SLC35A3: variants seen among roughly 807,000 people sequenced by gnomAD.
SLC35A3 encodes solute carrier family 35 member A3.
SLC35A3 carries 26 observed loss-of-function variants against 39.0 expected under a neutral mutation model. The ratio of observed to expected loss-of-function variants is 0.67; its 90% CI spans 0.49 to 0.92. The LOEUF is 0.92. Ranked by LOEUF, SLC35A3 falls within the 40% of genes least tolerant of loss-of-function variation. The probability of loss-of-function intolerance (pLI) is 0.00; values close to 1 mark genes in which losing one functional copy is unlikely to be tolerated. For missense variants in SLC35A3, 299 were observed against 371.6 expected (o/e 0.80, Z 1.61); for synonymous variants, 135 against 133.1 (o/e 1.01, Z -0.10).
intron 7 of SLC35A3, among the ~76,000 whole-genome samples, 154 bp from the exon 8 acceptor site, chr1:100,022,232 T>C (rs1660596264): frequency 6.6e-6 from 1 of 152,230 alleles, no homozygotes; most frequent in South Asian, 2.1e-4. Context: ...CTTAGCCAGA[T>C]ACCTGGAATG....
At chr1:99,999,067 T>G (rs1168523996) in intron 2 of SLC35A3, among the ~76,000 whole-genome samples, 194 bp from the exon 3 acceptor site, 1 of 152,124 alleles carries the variant, frequency 6.6e-6, no homozygotes, top group African/African-American at 2.4e-5. Flanking sequence ...AATAAAAGAA[T>G]ATGATTTCTT....
Position 100,033,619 on chromosome 1 carries a change from G to A in SLC35A3, c.*11143G>A, listed in dbSNP as rs1288235524. ...GATAACATTTTATATAATGCATTTA[G>A]AGTCCCCAATTTGCTTGTCTAGGCC... On this transcript the variant is annotated 3_prime_UTR_variant, in exon 8 of 8. Transcript: ENST00000533028. 1 of 152,050 alleles carries A rather than the reference G, an allele frequency of 6.6e-6. No homozygotes were observed. The highest frequency in any genetic ancestry group is 1.5e-5 in the Non-Finnish European group (1 of 68,010). The allele number at this position is 152,050 out of a possible 1,614,324, so 9.4% of individuals were successfully genotyped here.
chr1:99,997,459 G>A (rs867955840), intron 2 of SLC35A3, among the ~76,000 whole-genome samples: 1 of 55,094 alleles, frequency 1.8e-5, no homozygotes, highest in South Asian at 8.3e-4. Flanking sequence ...TATATATATG[G>A]ATCTTAGAAT....
At chr1:99,993,219 A>C (rs2149191) in intron 1 of SLC35A3, 4,999 of 186,874 alleles carry the variant, frequency 0.027, 287 homozygotes, top group African/African-American at 0.11. Context: ...TCTCTAGGGA[A>C]CTCACTGCTG....
rs967029298 is a variant in SLC35A3 at position 100,022,506 on chromosome 1, G to T, written c.*30G>T. The T allele has an allele frequency of 3.4e-6, 4 of 1,163,118 alleles. No individual in the cohort carries two copies. Among genetic ancestry groups the T allele is most frequent in the Non-Finnish European group, 5.1e-6 (4 of 783,994 alleles). The allele number at this position is 1,163,118 out of a possible 1,614,324, so 72.0% of individuals were successfully genotyped here. ...ATACTATCTTTAACTGGTTTTTCAC[G>T]ATGGGGCACTAGGAATCTCGACATT... On this transcript the variant is annotated 3_prime_UTR_variant, in exon 8 of 8. Coordinates refer to ENST00000533028, the MANE Select transcript of SLC35A3 (RefSeq NM_012243.3).
chr1:100,027,283 C>CA lies in SLC35A3; in HGVS notation c.*4813dup, dbSNP rs1265414343. 3.3e-5 allele frequency: 13 copies of CA among 397,508 alleles called. No individual in the cohort carries two copies. The highest frequency in any genetic ancestry group is 2.6e-4 in the South Asian group (2 of 7,616). The allele number at this position is 397,508 out of a possible 1,614,324, so 24.6% of individuals were successfully genotyped here. A position where few individuals can be genotyped will look rare whatever the true frequency, so the allele number is the denominator to read the frequency against. On this transcript the variant is annotated 3_prime_UTR_variant, in exon 8 of 8. Transcript: ENST00000533028. ...CCTGGGCAACATAGCCTTGTTTCTA[C>CA]AAAAAATCTTAAAAATAAAATTAGC...
chr1:100,020,497 C>T (rs1332444506), intron 7 of SLC35A3, among the ~76,000 whole-genome samples: 1 of 152,198 alleles, frequency 6.6e-6, no homozygotes, highest in Non-Finnish European at 1.5e-5. Flanking sequence ...AGATACATTA[C>T]AGGATGTTTT....
intron 2 of SLC35A3, among the ~76,000 whole-genome samples, chr1:99,995,158 T>G (rs1232785923): frequency 1.4e-5 from 2 of 140,830 alleles, no homozygotes; most frequent in Non-Finnish European, 3.1e-5. Flanking sequence ...CTTTCTTTCT[T>G]TCTTTTTTTT....
chr1:99,999,943 G>C (rs1399161383), intron 3 of SLC35A3, among the ~76,000 whole-genome samples: 1 of 151,790 alleles, frequency 6.6e-6, no homozygotes. Context: ...TCTCATTCTT[G>C]TTATATCTGA....
At chr1:99,972,762 G>A (rs1461583094) in intron 1 of SLC35A3, among the ~76,000 whole-genome samples, 1 of 152,176 alleles carries the variant, frequency 6.6e-6, no homozygotes, top group Non-Finnish European at 1.5e-5. Flanking sequence ...GACAAGATGA[G>A]CTCTTGAGTT....
At chr1:99,989,803 T>C (rs1193610457) in intron 1 of SLC35A3, among the ~76,000 whole-genome samples, 1 of 152,156 alleles carries the variant, frequency 6.6e-6, no homozygotes, top group African/African-American at 2.4e-5. Context: ...TCTTGCTCTG[T>C]CACCCAGGCT....
In SLC35A3 at chr1:100,026,941, T is replaced by C. The variant is rs1163986368; in HGVS notation, c.*4465T>C. 5.4e-6 allele frequency: 2 copies of C among 369,026 alleles called. No homozygotes were observed. Among genetic ancestry groups the C allele is most frequent in the African/African-American group, 2.1e-5 (1 of 48,016 alleles). The allele number at this position is 369,026 out of a possible 1,614,324, so 22.9% of individuals were successfully genotyped here. On this transcript the variant is annotated 3_prime_UTR_variant, in exon 8 of 8. Transcript: ENST00000533028. ...CCAGCTATTACCTATTTAATAGATT[T>C]ATTGAAATAGATTATTTTCATAAAG...
intron 5 of SLC35A3, among the ~76,000 whole-genome samples, chr1:100,013,257 T>G (rs1430614651): frequency 6.6e-6 from 1 of 151,882 alleles, no homozygotes; most frequent in Non-Finnish European, 1.5e-5. Context: ...GATGGGAGGA[T>G]TGCTTGAGAA....
chr1:100,001,113 T>A (rs1658760086), intron 3 of SLC35A3, among the ~76,000 whole-genome samples: 1 of 152,166 alleles, frequency 6.6e-6, no homozygotes, highest in Non-Finnish European at 1.5e-5. Flanking sequence ...TACTATAGCC[T>A]TGTAGTATAT....
At position 100,031,660 on chromosome 1, in the gene SLC35A3, A is replaced by C. The variant is rs370228875; in HGVS notation, c.*9184A>C. ...GTTTTCCATCTGCATTTGGCTGAAAAAAAATCTGCATATAAGTGGACCCAT... is the reference window on the plus strand; with the variant it reads ...GTTTTCCATCTGCATTTGGCTGAAACAAAATCTGCATATAAGTGGACCCAT... On this transcript the variant is annotated 3_prime_UTR_variant, in exon 8 of 8. Coordinates refer to ENST00000533028, the MANE Select transcript of SLC35A3 (RefSeq NM_012243.3). 2 of 152,176 alleles carry C rather than the reference A, an allele frequency of 1.3e-5. No homozygotes were observed. Among genetic ancestry groups the C allele is most frequent in the African/African-American group, 2.4e-5 (1 of 41,434 alleles). The allele number at this position is 152,176 out of a possible 1,614,324, so 9.4% of individuals were successfully genotyped here.
At position 100,028,645 on chromosome 1, in the gene SLC35A3, C is replaced by A. The variant is rs988629140; in HGVS notation, c.*6169C>A. 6.6e-6 allele frequency: 1 copy of A among 152,148 alleles called. No homozygotes were observed. The highest frequency in any genetic ancestry group is 2.4e-5 in the African/African-American group (1 of 41,428). 9.4% of individuals were successfully genotyped at this position (152,148 alleles called of 1,614,324 possible). On this transcript the variant is annotated 3_prime_UTR_variant, in exon 8 of 8. Transcript: ENST00000533028. ...ACCCAGCCCATATTGGTCTTTCTTA[C>A]TGTTCTTAAAAAGAGAATTCCTTTA...
Position 100,024,893 on chromosome 1 carries a change from C to T in SLC35A3, c.*2417C>T, listed in dbSNP as rs978300009. On this transcript the variant is annotated 3_prime_UTR_variant, in exon 8 of 8. Transcript: ENST00000533028. ...ATTAAACAGAATTGGCTCAAAAATA[C>T]TATGTTACAGACTGTTGGGTACCCT... The T allele has an allele frequency of 1.3e-4, 49 of 364,154 alleles. No homozygotes were observed. Among genetic ancestry groups the T allele is most frequent in the African/African-American group, 9.9e-4 (47 of 47,636 alleles). The allele number at this position is 364,154 out of a possible 1,614,324, so 22.6% of individuals were successfully genotyped here.
Position 100,030,981 on chromosome 1 carries a change from A to C in SLC35A3, c.*8505A>C, listed in dbSNP as rs567563541. The C allele has an allele frequency of 6.6e-6, 1 of 152,306 alleles. No individual in the cohort carries two copies. The highest frequency in any genetic ancestry group is 2.4e-5 in the African/African-American group (1 of 41,582). The allele number at this position is 152,306 out of a possible 1,614,324, so 9.4% of individuals were successfully genotyped here. ...CAGTCATATTGCTATGAATTCTAGAATTTTAAAACCTGCCACACTTATTTT... is the reference window on the plus strand; with the variant it reads ...CAGTCATATTGCTATGAATTCTAGACTTTTAAAACCTGCCACACTTATTTT... On this transcript the variant is annotated 3_prime_UTR_variant, in exon 8 of 8. Coordinates refer to ENST00000533028, the MANE Select transcript of SLC35A3 (RefSeq NM_012243.3).
chr1:100,016,187 C>T (rs1660097104), intron 6 of SLC35A3, among the ~76,000 whole-genome samples: 1 of 151,140 alleles, frequency 6.6e-6, no homozygotes, highest in Admixed American at 6.6e-5. Flanking sequence ...GCCTCAGCCT[C>T]CTGAGTAGCT....
Sources: allele counts gnomAD v4.1 joint callset (sites outside exome capture counted in the v4.1 genomes callset), GRCh38; gene constraint gnomAD v4.1.1; transcripts MANE v1.5; gene names NCBI Gene and HGNC (gene_info 2026-07-23, HGNC 2026-07-21).